The following IQCJ variants were observed in gnomAD, a reference collection of about 807,000 sequenced individuals.
The protein encoded by IQCJ is IQ domain-containing protein J.
In IQCJ, 9 loss-of-function variants were observed where a neutral mutation model predicts 11.0. That is an observed-to-expected ratio of 0.82 (90% CI 0.49 to 1.43). The LOEUF is 1.43. Ranked by LOEUF, IQCJ falls within the 40% of genes most tolerant of loss-of-function variation. The pLI is 0.00. For synonymous variants in IQCJ, 55 were observed against 51.3 expected, an observed-to-expected ratio of 1.07 and a Z score of -0.31; for missense variants, 146 against 133.2, an observed-to-expected ratio of 1.10 and a Z score of -0.47.
chr3:159,136,041 CT>C (rs1174298940), intron 1 of IQCJ, among the ~76,000 whole-genome samples: 1 of 152,148 alleles, frequency 6.6e-6, no homozygotes, highest in Admixed American at 6.5e-5. Context: ...GCACAGAGTG[CT>C]TAAGTAGATT....
chr3:159,219,232 C>A (rs763393677), intron 1 of IQCJ, among the ~76,000 whole-genome samples: 1 of 152,008 alleles, frequency 6.6e-6, no homozygotes, highest in Non-Finnish European at 1.5e-5. Context: ...TCAAAGGACT[C>A]CCCCATACAT....
chr3:159,238,588 T>G (rs1297970584), intron 1 of IQCJ, among the ~76,000 whole-genome samples: 1 of 152,032 alleles, frequency 6.6e-6, no homozygotes, highest in African/African-American at 2.4e-5. Context: ...AAGAGCTGAG[T>G]GGGGGAGGCA....
At chr3:159,159,179 G>GGCTATAGA (rs1190195542) in intron 1 of IQCJ, among the ~76,000 whole-genome samples, 1 of 152,170 alleles carries the variant, frequency 6.6e-6, no homozygotes, top group Non-Finnish European at 1.5e-5. Context: ...GTGGACTCTG[G>GGCTATAGA]GCTATAGAGG....
At chr3:159,229,474 A>G (rs1273095124) in intron 1 of IQCJ, among the ~76,000 whole-genome samples, 1 of 151,958 alleles carries the variant, frequency 6.6e-6, no homozygotes, top group Non-Finnish European at 1.5e-5. Context: ...GGCTGCAGGA[A>G]GACAGGGGCT....
intron 1 of IQCJ, among the ~76,000 whole-genome samples, chr3:159,115,621 C>A (rs906758373): frequency 6.6e-6 from 1 of 152,162 alleles, no homozygotes; most frequent in East Asian, 1.9e-4. Context: ...ACCAACATAG[C>A]TAGCTCTTTG....
chr3:159,203,147 C>T (rs2108071661), intron 1 of IQCJ, among the ~76,000 whole-genome samples: 1 of 150,626 alleles, frequency 6.6e-6, no homozygotes, highest in East Asian at 2.0e-4. Flanking sequence ...TTTCCTCCTT[C>T]ATTCAAGATG....
chr3:159,161,470 A>G (rs1259065293), intron 1 of IQCJ, among the ~76,000 whole-genome samples: 1 of 151,946 alleles, frequency 6.6e-6, no homozygotes, highest in African/African-American at 2.4e-5. Flanking sequence ...TTTTCTCCCA[A>G]TTTGTAGGTT....
chr3:159,154,087 C>T (rs1207697166), intron 1 of IQCJ, among the ~76,000 whole-genome samples: 3 of 152,198 alleles, frequency 2.0e-5, no homozygotes, highest in Non-Finnish European at 4.4e-5. Flanking sequence ...TCTGGAAAGA[C>T]CTTAAAGTTC....
At chr3:159,153,435 C>T (rs1317695006) in intron 1 of IQCJ, among the ~76,000 whole-genome samples, 2 of 152,162 alleles carry the variant, frequency 1.3e-5, no homozygotes, top group African/African-American at 4.8e-5. Context: ...GAGTTGTGTG[C>T]TTGTCAAGAG....
At chr3:159,234,602 G>C (rs924560339) in intron 1 of IQCJ, among the ~76,000 whole-genome samples, 1 of 152,168 alleles carries the variant, frequency 6.6e-6, no homozygotes, top group Non-Finnish European at 1.5e-5. Flanking sequence ...CCAGGAGATA[G>C]AGACCAGCCT....
At chr3:159,207,033 A>G (rs1355069953) in intron 1 of IQCJ, among the ~76,000 whole-genome samples, 2 of 152,142 alleles carry the variant, frequency 1.3e-5, no homozygotes, top group Non-Finnish European at 2.9e-5. Flanking sequence ...CTTGAGCCCT[A>G]CTAATTTGGT....
At chr3:159,092,201 C>A (rs1717362018) in intron 1 of IQCJ, among the ~76,000 whole-genome samples, 1 of 151,830 alleles carries the variant, frequency 6.6e-6, no homozygotes, top group Admixed American at 6.5e-5. Context: ...ACATAGTACT[C>A]TTGGCAAAAA....
intron 1 of IQCJ, among the ~76,000 whole-genome samples, chr3:159,219,014 C>T (rs553047668): frequency 1.2e-4 from 18 of 152,262 alleles, no homozygotes; most frequent in Admixed American, 1.1e-3. Context: ...ACCCCTCTGC[C>T]TTCCTCTTAG....
intron 1 of IQCJ, among the ~76,000 whole-genome samples, chr3:159,228,339 G>C (rs566403721): frequency 2.6e-5 from 4 of 152,136 alleles, no homozygotes; most frequent in Non-Finnish European, 5.9e-5. Context: ...TCTCGGTTTA[G>C]AATAAAATAC....
At chr3:159,193,202 C>G (rs1452151138) in intron 1 of IQCJ, among the ~76,000 whole-genome samples, 2 of 152,126 alleles carry the variant, frequency 1.3e-5, no homozygotes, top group African/African-American at 4.8e-5. Context: ...CAAACCAAGA[C>G]CTACAGACCT....
At chr3:159,127,653 A>G (rs1719752501) in intron 1 of IQCJ, among the ~76,000 whole-genome samples, 2 of 152,236 alleles carry the variant, frequency 1.3e-5, no homozygotes, top group Non-Finnish European at 2.9e-5. Context: ...AGCATAGTGC[A>G]TTTAGTCGTG....
chr3:159,094,604 G>A (rs1393177823), intron 1 of IQCJ, among the ~76,000 whole-genome samples: 5 of 151,634 alleles, frequency 3.3e-5, no homozygotes, highest in Non-Finnish European at 1.5e-5. Flanking sequence ...AAAATGGAGA[G>A]AGCCAATGTG....
intron 1 of IQCJ, among the ~76,000 whole-genome samples, chr3:159,136,903 A>G (rs2108172044): frequency 6.6e-6 from 1 of 152,296 alleles, no homozygotes; most frequent in South Asian, 2.1e-4. Flanking sequence ...GTATGGTGTA[A>G]ATTGACAGCA....
chr3:159,096,215 TG>T (rs1442484409), intron 1 of IQCJ, among the ~76,000 whole-genome samples: 78 of 137,476 alleles, frequency 5.7e-4, no homozygotes, highest in East Asian at 4.2e-3. Context: ...TGGGGTTGTT[TG>T]TTTTTTTCTT....
Sources: allele counts gnomAD v4.1 joint callset (sites outside exome capture counted in the v4.1 genomes callset), GRCh38; gene constraint gnomAD v4.1.1; transcripts MANE v1.5; gene names NCBI Gene and HGNC (gene_info 2026-07-23, HGNC 2026-07-21).